Variants in STK3 observed in about 807,000 individuals in gnomAD.
The protein encoded by STK3 is serine/threonine kinase 3, also known as serine/threonine-protein kinase 3.
STK3 carries 41 observed loss-of-function variants against 58.0 expected under a neutral mutation model. That is an observed-to-expected ratio of 0.71 (90% CI 0.55 to 0.92). The LOEUF is 0.92. Among genes scored for constraint, STK3 ranks in the 40% least tolerant of loss-of-function variants. The pLI, the probability that STK3 is intolerant of heterozygous loss-of-function variation, is 0.00. For missense variants in STK3, 479 were observed against 602.7 expected, an observed-to-expected ratio of 0.79 and a Z score of 2.15; for synonymous variants, 170 against 191.0, an observed-to-expected ratio of 0.89 and a Z score of 0.91.
At chr8:98,901,078 G>T (rs1438966029) in intron 1 of STK3, among the ~76,000 whole-genome samples, 1 of 152,108 alleles carries the variant, frequency 6.6e-6, no homozygotes, top group African/African-American at 2.4e-5. Flanking sequence ...CAAAATCAGT[G>T]AACCATTCTG....
At chr8:98,896,351 G>A (rs1838444935) in intron 1 of STK3, among the ~76,000 whole-genome samples, 1 of 152,144 alleles carries the variant, frequency 6.6e-6, no homozygotes, top group African/African-American at 2.4e-5. Context: ...AGCAAAAAAG[G>A]TTATTATACA....
At chr8:98,829,175 G>C (rs561629418), upstream of STK3, among the ~76,000 whole-genome samples, 26 of 152,282 alleles carry the variant, frequency 1.7e-4, no homozygotes, top group African/African-American at 6.3e-4. Context: ...AGGGCTAGCT[G>C]TGTTCCAGAG....
intron 3 of STK3, among the ~76,000 whole-genome samples, chr8:98,418,069 C>A (rs1227390292): frequency 6.6e-6 from 1 of 152,028 alleles, no homozygotes. Flanking sequence ...ACCACCATCC[C>A]CAGCTAATTA....
chr8:98,923,697 A>G (rs1210140557), intron 1 of STK3, among the ~76,000 whole-genome samples: 1 of 152,100 alleles, frequency 6.6e-6, no homozygotes, highest in African/African-American at 2.4e-5. Context: ...AAGATGGAAT[A>G]CCCTTTAGCT....
At chr8:98,690,692 A>T (rs1227677723) in intron 6 of STK3, among the ~76,000 whole-genome samples, 2 of 152,164 alleles carry the variant, frequency 1.3e-5, no homozygotes, top group African/African-American at 4.8e-5. Flanking sequence ...ATTAGAAAAA[A>T]ACTATTCCAA....
chr8:98,923,340 A>C (rs1453215855), intron 1 of STK3, among the ~76,000 whole-genome samples: 2 of 152,258 alleles, frequency 1.3e-5, no homozygotes, highest in Non-Finnish European at 2.9e-5. Context: ...AAACAAGAGT[A>C]ATAAAATTTC....
intron 6 of STK3, among the ~76,000 whole-genome samples, chr8:98,690,584 G>A (rs914076742): frequency 6.6e-6 from 1 of 152,132 alleles, no homozygotes; most frequent in Non-Finnish European, 1.5e-5. Context: ...ACGTTCCCAG[G>A]TTGGAAGAAT....
intron 6 of STK3, among the ~76,000 whole-genome samples, chr8:98,672,740 A>AT (rs1040971589): frequency 2.0e-5 from 3 of 152,318 alleles, no homozygotes; most frequent in African/African-American, 7.2e-5. Flanking sequence ...AGATGATTTA[A>AT]TTTTCTCAAA....
intron 2 of STK3, among the ~76,000 whole-genome samples, chr8:98,373,788 A>T (rs1817641173): frequency 1.3e-5 from 2 of 152,172 alleles, no homozygotes. Flanking sequence ...CCTTATGACC[A>T]CACAGGAGTT....
At chr8:98,540,784 G>C in intron 9 of STK3, among the ~76,000 whole-genome samples, 1 of 151,658 alleles carries the variant, frequency 6.6e-6, no homozygotes, top group East Asian at 1.9e-4. Flanking sequence ...GCACTCTTTC[G>C]CAACTGGGGT....
intron 1 of STK3, among the ~76,000 whole-genome samples, chr8:98,776,353 G>A (rs1400021281): frequency 6.6e-6 from 1 of 151,624 alleles, no homozygotes; most frequent in African/African-American, 2.4e-5. Context: ...CAGGGAAGCT[G>A]GACTGGATGA....
intron 10 of STK3, among the ~76,000 whole-genome samples, chr8:98,524,498 T>A (rs973363489): frequency 2.6e-5 from 4 of 152,232 alleles, no homozygotes; most frequent in Non-Finnish European, 4.4e-5. Context: ...TGTCTTTTCA[T>A]GTATTGATAT....
chr8:98,693,337 G>A (rs1341864927), intron 6 of STK3, among the ~76,000 whole-genome samples: 1 of 152,114 alleles, frequency 6.6e-6, no homozygotes, highest in East Asian at 1.9e-4. Flanking sequence ...ATTCGAGGCT[G>A]CAATGAGCCA....
intron 1 of STK3, among the ~76,000 whole-genome samples, chr8:98,933,007 A>T (rs1412529142): frequency 6.6e-6 from 1 of 152,254 alleles, no homozygotes; most frequent in Non-Finnish European, 1.5e-5. Flanking sequence ...CTCTGTGGCC[A>T]CATAGGTAAA....
chr8:98,866,454 C>T (rs1021331111), intron 3 of STK3, among the ~76,000 whole-genome samples: 1 of 152,106 alleles, frequency 6.6e-6, no homozygotes, highest in African/African-American at 2.4e-5. Context: ...AAGATGCTTC[C>T]CTGTGGCAAG....
chr8:98,674,052 C>G (rs912725069), intron 6 of STK3, among the ~76,000 whole-genome samples: 2 of 152,086 alleles, frequency 1.3e-5, no homozygotes, highest in African/African-American at 4.8e-5. Context: ...AAGGAACTCT[C>G]GCTTCCTCCA....
chr8:98,540,867 T>C (rs1810196877), intron 9 of STK3, among the ~76,000 whole-genome samples: 2 of 152,176 alleles, frequency 1.3e-5, no homozygotes, highest in Admixed American at 1.3e-4. Context: ...TTACAAGCCC[T>C]GTCATAGAGG....
rs1477381215 is a variant in STK3 at position 98,840,628 on chromosome 8, T to TATATAC, written c.110+43018_110+43019insGTATAT. 1.2e-3 allele frequency among the ~76,000 whole-genome samples: 138 copies of TATATAC among 114,328 alleles called. 1 individual carries two copies. The highest frequency in any genetic ancestry group is 1.4e-3 in the Non-Finnish European group (81 of 56,134). 75.0% of individuals were successfully genotyped at this position (114,328 alleles called of 152,430 possible). On this transcript the variant is annotated intron_variant, in intron 3 of 12. Coordinates refer to the STK3 transcript ENST00000523601. ...ATATATATATATATATATATATATA[T>TATATAC]ACACACACATACGTTTTATATATAT...
At chr8:98,611,398 CAAT>C (rs1817185677) in intron 6 of STK3, among the ~76,000 whole-genome samples, 1 of 151,400 alleles carries the variant, frequency 6.6e-6, no homozygotes, top group Admixed American at 6.6e-5. Flanking sequence ...CAGAAAAAAA[CAAT>C]AGATCTCAGA....
Sources: allele counts gnomAD v4.1 joint callset (sites outside exome capture counted in the v4.1 genomes callset), GRCh38; gene constraint gnomAD v4.1.1; transcripts MANE v1.5; gene names NCBI Gene and HGNC (gene_info 2026-07-23, HGNC 2026-07-21).